SLC41A1: variants seen among roughly 807,000 people sequenced by gnomAD.
The protein encoded by SLC41A1 is solute carrier family 41 member 1, also known as solute carrier family 41 (magnesium transporter), member 1.
In SLC41A1, 20 loss-of-function variants were observed where a neutral mutation model predicts 47.3. The ratio of observed to expected loss-of-function variants is 0.42; its 90% CI spans 0.30 to 0.61. SLC41A1 has a LOEUF of 0.61. Ranked by LOEUF, SLC41A1 falls within the 20% of genes least tolerant of loss-of-function variation. SLC41A1 has a pLI of 0.17. For missense variants in SLC41A1, 504 were observed against 674.1 expected (o/e 0.75, Z 2.79); for synonymous variants, 282 against 272.7 (o/e 1.03, Z -0.34).
intron 10 of SLC41A1, among the ~76,000 whole-genome samples, chr1:205,792,466 T>A (rs1240312599): frequency 6.6e-6 from 1 of 152,238 alleles, no homozygotes; most frequent in African/African-American, 2.4e-5. Flanking sequence ...GTGTTCTTGC[T>A]TACCTTCTAT....
chr1:205,812,627 C>T, intron 1 of SLC41A1, 181 bp downstream of exon 1: 2 of 419,266 alleles, frequency 4.8e-6, no homozygotes, highest in Non-Finnish European at 6.4e-6. Flanking sequence ...GACGCCCTAT[C>T]CCCTCCTCCC....
At chr1:205,812,643 G>A (rs1656184671) in intron 1 of SLC41A1, 165 bp downstream of exon 1, 1 of 615,612 alleles carries the variant, frequency 1.6e-6, no homozygotes, top group Admixed American at 6.3e-5. Flanking sequence ...CTCCCAGGCG[G>A]GGACAAAAAA....
chr1:205,799,649 G>T, intron 4 of SLC41A1, 110 bp downstream of exon 4: 1 of 1,239,760 alleles, frequency 8.1e-7, no homozygotes. Context: ...AGCCAGCTCA[G>T]TGGGATACTG....
At position 205,791,422 on chromosome 1, in the gene SLC41A1, AGT is replaced by A; in HGVS notation, c.*109_*110del. ...GAAAATAATGAGAATTTGGTATCAA[AGT>A]GAAGTCCTAGAAAGAGGTGGGAGTG... On this transcript the variant is annotated 3_prime_UTR_variant, in exon 11 of 11. Coordinates refer to ENST00000367137, the MANE Select transcript of SLC41A1 (RefSeq NM_173854.6). This position sits in a 1 kb window ranked among gnomAD's most constrained non-coding sequence, Gnocchi z 4.0. The A allele has an allele frequency of 7.8e-7, 1 of 1,289,682 alleles. No individual in the cohort carries two copies. The highest frequency in any genetic ancestry group is 2.4e-5 in the East Asian group (1 of 41,224). 79.9% of individuals were successfully genotyped at this position (1,289,682 alleles called of 1,614,324 possible).
intron 6 of SLC41A1, 144 bp from the exon 7 acceptor site, chr1:205,798,195 C>G: frequency 7.7e-7 from 1 of 1,298,322 alleles, no homozygotes; most frequent in South Asian, 1.3e-5. Context: ...TTGATCTTCA[C>G]TGGCAGCTCA....
intron 10 of SLC41A1, among the ~76,000 whole-genome samples, chr1:205,793,330 A>G (rs1655667623): frequency 6.6e-6 from 1 of 152,236 alleles, no homozygotes; most frequent in Non-Finnish European, 1.5e-5. Context: ...GAATGTCTCC[A>G]GGGTATTCAT....
intron 2 of SLC41A1, among the ~76,000 whole-genome samples, chr1:205,809,670 A>C (rs1306251725): frequency 1.3e-5 from 2 of 152,128 alleles, no homozygotes; most frequent in Non-Finnish European, 2.9e-5. Flanking sequence ...GCTTTCTACT[A>C]TGGGTATCCT....
At chr1:205,799,906 AGATC>A in intron 3 of SLC41A1, 76 bp from the exon 4 acceptor site, 1 of 1,271,730 alleles carries the variant, frequency 7.9e-7, no homozygotes, top group East Asian at 2.4e-5. Context: ...GCTCCTGCCT[AGATC>A]ATGAGGCAGT....
In SLC41A1 at chr1:205,791,317, T is replaced by C. The variant is rs2102498767; in HGVS notation, c.*216A>G. 1 of 589,542 alleles carries C rather than the reference T, an allele frequency of 1.7e-6. No homozygotes were observed. Among genetic ancestry groups the C allele is most frequent in the African/African-American group, 1.9e-5 (1 of 53,946 alleles). 36.5% of individuals were successfully genotyped at this position (589,542 alleles called of 1,614,324 possible). A position where few individuals can be genotyped will look rare whatever the true frequency, so the allele number is the denominator to read the frequency against. ...CTTGGTGATTGTCTCAAAAACCTAC[T>C]TGTACTGCTTATCTCAGGCCATCTG... On this transcript the variant is annotated 3_prime_UTR_variant, in exon 11 of 11. Transcript: ENST00000367137. This position sits in a 1 kb window ranked among gnomAD's most constrained non-coding sequence, Gnocchi z 4.0.
intron 1 of SLC41A1, among the ~76,000 whole-genome samples, chr1:205,812,300 A>G (rs1656175216): frequency 6.6e-6 from 1 of 152,224 alleles, no homozygotes; most frequent in African/African-American, 2.4e-5. Context: ...CTGGCCCAGG[A>G]GAACTGTTTC....
At chr1:205,792,881 C>T (rs1384150541) in intron 10 of SLC41A1, among the ~76,000 whole-genome samples, 2 of 152,056 alleles carry the variant, frequency 1.3e-5, no homozygotes, top group African/African-American at 2.4e-5. Flanking sequence ...TTAAGGGATC[C>T]AGAAGCCAGA....
chr1:205,812,830 G>C lies in SLC41A1; in HGVS notation c.-669C>G, dbSNP rs937587186. On this transcript the variant is annotated 5_prime_UTR_variant, in exon 1 of 11. Transcript: ENST00000367137. ...GACCTGCCCCTCGCCTGGGAGGAAGGGGGGCGCCTGGCAAGTGGCAGCGTG... is the reference window on the plus strand; with the variant it reads ...GACCTGCCCCTCGCCTGGGAGGAAGCGGGGCGCCTGGCAAGTGGCAGCGTG... 21 of 985,296 alleles carry C rather than the reference G, an allele frequency of 2.1e-5. No homozygotes were observed. The highest frequency in any genetic ancestry group is 2.5e-5 in the Non-Finnish European group (21 of 829,892). 61.0% of individuals were successfully genotyped at this position (985,296 alleles called of 1,614,324 possible).
At position 205,799,069 on chromosome 1, in the gene SLC41A1, G is replaced by A. The variant is rs376061417; in HGVS notation, c.585C>T (p.Ser195=). The A allele has an allele frequency of 2.2e-5, 35 of 1,612,696 alleles. No individual in the cohort carries two copies. Among genetic ancestry groups the A allele is most frequent in the Non-Finnish European group, 2.7e-5 (32 of 1,179,918 alleles). Reference sequence around the variant, plus strand: ...TCCAGCCAAAGACGACGGCTGCGATGGACGCCAGGAAGCCCACCACCGTGG... The same window carrying A: ...TCCAGCCAAAGACGACGGCTGCGATAGACGCCAGGAAGCCCACCACCGTGG... ...VQATVVGFLA[S]IAAVVFGWIP... is the part of the protein sequence containing the mutation. The change falls in exon 5 of 11, where the codon TCC becomes TCT. Residue 195 remains serine, a synonymous_variant. Coordinates refer to ENST00000367137, the MANE Select transcript of SLC41A1 (RefSeq NM_173854.6).
intron 3 of SLC41A1, 125 bp from the exon 4 acceptor site, chr1:205,799,955 C>T: frequency 1.2e-6 from 1 of 808,980 alleles, no homozygotes; most frequent in Non-Finnish European, 2.1e-6. Context: ...CAGGACCTGA[C>T]AGTCCCGGAA....
intron 3 of SLC41A1, among the ~76,000 whole-genome samples, chr1:205,800,429 G>A (rs1277546916): frequency 6.6e-6 from 1 of 152,206 alleles, no homozygotes; most frequent in Non-Finnish European, 1.5e-5. Flanking sequence ...GCCCGGAATC[G>A]TCACGGCTCA....
At chr1:205,808,200 C>T (rs989660343) in intron 2 of SLC41A1, among the ~76,000 whole-genome samples, 1 of 152,168 alleles carries the variant, frequency 6.6e-6, no homozygotes, top group South Asian at 2.1e-4. Context: ...AGGTGATCCG[C>T]CCGTCTTGAC....
At chr1:205,794,355 G>A (rs1655697104) in intron 10 of SLC41A1, among the ~76,000 whole-genome samples, 1 of 152,146 alleles carries the variant, frequency 6.6e-6, no homozygotes, top group South Asian at 2.1e-4. Context: ...AAAATAAAAA[G>A]CTTTTACAAT....
chr1:205,801,146 C>G (rs911617237), intron 2 of SLC41A1, 86 bp from the exon 3 acceptor site: 2 of 1,074,364 alleles, frequency 1.9e-6, no homozygotes, highest in Non-Finnish European at 2.9e-6. Flanking sequence ...ATCAGGGGCT[C>G]GAGGAGGAAA....
intron 10 of SLC41A1, among the ~76,000 whole-genome samples, chr1:205,793,331 G>C (rs1464935664): frequency 1.3e-5 from 2 of 152,198 alleles, no homozygotes; most frequent in Non-Finnish European, 2.9e-5. Flanking sequence ...AATGTCTCCA[G>C]GGTATTCATC....
Sources: gnomAD v4.1 joint callset for allele counts (sites outside exome capture counted in the v4.1 genomes callset) on GRCh38, gnomAD v4.1.1 for gene constraint, Gnocchi (gnomAD v3.1) non-coding constraint, MANE v1.5 for transcripts, NCBI Gene and HGNC (gene_info 2026-07-23, HGNC 2026-07-21) for gene names.